CATSPERB: variants seen among roughly 807,000 people sequenced by gnomAD.
CATSPERB encodes catsper channel auxiliary subunit beta, also known as cation channel sperm-associated auxiliary subunit beta.
CATSPERB carries 93 observed loss-of-function variants against 128.3 expected under a neutral mutation model. The observed-to-expected ratio is 0.72, with a 90% CI of 0.61 to 0.86. CATSPERB has a LOEUF of 0.86. CATSPERB is among the 40% of genes least tolerant of loss of function. The probability of loss-of-function intolerance (pLI) is 0.00; values close to 1 mark genes in which losing one functional copy is unlikely to be tolerated. For synonymous variants in CATSPERB, 381 were observed against 448.8 expected, an observed-to-expected ratio of 0.85 and a Z score of 1.91; for missense variants, 1,153 against 1,329.5, an observed-to-expected ratio of 0.87 and a Z score of 2.06.
At chr14:91,663,687 T>C (rs2139824123) in intron 14 of CATSPERB, among the ~76,000 whole-genome samples, 1 of 151,954 alleles carries the variant, frequency 6.6e-6, no homozygotes, top group Admixed American at 6.6e-5. Flanking sequence ...ATGTTTTCAA[T>C]TTTGTGAAGA....
intron 20 of CATSPERB, among the ~76,000 whole-genome samples, chr14:91,610,965 G>A (rs1315517535): frequency 2.0e-5 from 3 of 152,034 alleles, no homozygotes; most frequent in Non-Finnish European, 2.9e-5. Context: ...CCATACACAA[G>A]CCAAGTAGGG....
At chr14:91,662,534 C>T (rs894889475) in intron 14 of CATSPERB, among the ~76,000 whole-genome samples, 4 of 152,028 alleles carry the variant, frequency 2.6e-5, no homozygotes, top group African/African-American at 7.3e-5. Context: ...AAAATGTCTC[C>T]GGATATATGT....
chr14:91,665,240 A>C (rs1262907986), intron 14 of CATSPERB, among the ~76,000 whole-genome samples: 1 of 152,222 alleles, frequency 6.6e-6, no homozygotes, highest in Non-Finnish European at 1.5e-5. Flanking sequence ...TGATCTACAC[A>C]CTTTTAAACC....
chr14:91,619,826 G>A (rs1894009326), intron 19 of CATSPERB, among the ~76,000 whole-genome samples: 1 of 151,202 alleles, frequency 6.6e-6, no homozygotes, highest in Non-Finnish European at 1.5e-5. Context: ...TTCCTACAGA[G>A]AGTAAATTTA....
intron 1 of CATSPERB, among the ~76,000 whole-genome samples, chr14:91,730,723 TTTGTGCAGTTC>T (rs1417211612): frequency 2.0e-5 from 3 of 152,210 alleles, no homozygotes; most frequent in African/African-American, 7.2e-5. Flanking sequence ...ATCTCAGAAC[TTTGTGCAGTTC>T]CTGACAACTG....
Position 91,621,653 on chromosome 14 carries a change from C to T in CATSPERB, c.2215G>A (p.Gly739Arg). 2 of 1,612,166 alleles carry T rather than the reference C, an allele frequency of 1.2e-6. No individual in the cohort carries two copies. The highest frequency in any genetic ancestry group is 1.7e-6 in the Non-Finnish European group (2 of 1,178,848). ...TTAGCTTTTAAAACATAAGAGTTTC[C>T]CAGATCAATGTATTTCACGATGTTG... ...SLNIVKYIDLGNSYVLKAKVI... is the reference protein window; with the variant it reads ...SLNIVKYIDLRNSYVLKAKVI... The change falls in exon 19 of 27, where the codon GGA becomes AGA. Residue 739 changes from glycine (G) to arginine (R), a missense_variant. Transcript: ENST00000256343.
intron 22 of CATSPERB, among the ~76,000 whole-genome samples, chr14:91,604,014 G>GTC (rs776140625): frequency 0.013 from 1,597 of 124,632 alleles, 11 homozygotes; most frequent in Non-Finnish European, 0.016. Context: ...CTCTCTGTCT[G>GTC]TCTCTCTCTC....
At chr14:91,594,623 T>C (rs1893472347) in intron 22 of CATSPERB, among the ~76,000 whole-genome samples, 1 of 152,202 alleles carries the variant, frequency 6.6e-6, no homozygotes, top group Non-Finnish European at 1.5e-5. Flanking sequence ...CAGTCTTGGG[T>C]ATGTCTTTAT....
At chr14:91,688,588 C>T (rs538345467) in intron 10 of CATSPERB, among the ~76,000 whole-genome samples, 5 of 152,200 alleles carry the variant, frequency 3.3e-5, no homozygotes, top group Non-Finnish European at 5.9e-5. Context: ...TGGATCTCTC[C>T]TCAAAGGCTC....
At position 91,621,644 on chromosome 14, in the gene CATSPERB, A is replaced by G; in HGVS notation, c.2224T>C (p.Tyr742His). 1 of 1,609,848 alleles carries G rather than the reference A, an allele frequency of 6.2e-7. No homozygotes were observed. The highest frequency in any genetic ancestry group is 8.5e-7 in the Non-Finnish European group (1 of 1,177,374). Residue 742 changes from tyrosine (Y) to histidine (H), a missense_variant, in exon 19 of 27, where the codon TAT becomes CAT. Coordinates refer to ENST00000256343, the MANE Select transcript of CATSPERB (RefSeq NM_024764.4). ...IVKYIDLGNSYVLKAKVIRNA... is the reference protein window; with the variant it reads ...IVKYIDLGNSHVLKAKVIRNA... ...CGTATGACCTTAGCTTTTAAAACAT[A>G]AGAGTTTCCCAGATCAATGTATTTC...
At chr14:91,625,031 G>A (rs1211569466) in intron 17 of CATSPERB, 24 bp from the exon 18 acceptor site, 1 of 1,496,252 alleles carries the variant, frequency 6.7e-7, no homozygotes, top group East Asian at 2.3e-5. Flanking sequence ...AAACCATTAA[G>A]CAATTTGGAT....
chr14:91,688,152 C>T (rs766601782), intron 10 of CATSPERB, among the ~76,000 whole-genome samples: 1 of 151,902 alleles, frequency 6.6e-6, no homozygotes, highest in Non-Finnish European at 1.5e-5. Context: ...TGAGTATTTT[C>T]CTTAGTTGGG....
At chr14:91,590,318 G>A (rs927158299) in intron 23 of CATSPERB, among the ~76,000 whole-genome samples, 3 of 152,114 alleles carry the variant, frequency 2.0e-5, no homozygotes, top group Non-Finnish European at 4.4e-5. Flanking sequence ...ATCACTTGAG[G>A]TCAGGAGTTT....
At chr14:91,637,417 C>G (rs1566713823) in intron 16 of CATSPERB, among the ~76,000 whole-genome samples, 1 of 152,072 alleles carries the variant, frequency 6.6e-6, no homozygotes, top group Non-Finnish European at 1.5e-5. Flanking sequence ...GGCTTGAGGA[C>G]TCTTGAAAAT....
chr14:91,685,550 C>T (rs147510542), intron 10 of CATSPERB, among the ~76,000 whole-genome samples: 1 of 152,154 alleles, frequency 6.6e-6, no homozygotes, highest in East Asian at 1.9e-4. Context: ...TTGACCGGAA[C>T]CTAAAATCTT....
At position 91,581,071 on chromosome 14, in the gene CATSPERB, G is replaced by A; in HGVS notation, c.3169C>T (p.His1057Tyr). 22 of 1,614,178 alleles carry A rather than the reference G, an allele frequency of 1.4e-5. No individual in the cohort carries two copies. The highest frequency in any genetic ancestry group is 1.9e-5 in the Non-Finnish European group (22 of 1,180,010). Residue 1057 changes from histidine to tyrosine, a missense_variant, in exon 27 of 27, where the codon CAC (histidine) becomes TAC (tyrosine). Physicochemically the swap from His to Tyr is moderately conservative, Grantham distance 83. Coordinates refer to ENST00000256343, the MANE Select transcript of CATSPERB (RefSeq NM_024764.4). ...VDEAPLPFPG[H>Y]TLIAVATAVV... The stretch of plus-strand genomic sequence containing the variant: ...GCTGTTGCCACGGCAATAAGCGTGT[G>A]TCCTGGGAATGGCAATGGTGCCTCA...
intron 11 of CATSPERB, among the ~76,000 whole-genome samples, chr14:91,675,539 G>A (rs1895178844): frequency 6.6e-6 from 1 of 152,114 alleles, no homozygotes; most frequent in Non-Finnish European, 1.5e-5. Flanking sequence ...CTTTATCTGT[G>A]GCACCACTTG....
intron 15 of CATSPERB, among the ~76,000 whole-genome samples, chr14:91,639,828 C>T (rs1243064775): frequency 6.9e-6 from 1 of 145,008 alleles, no homozygotes; most frequent in Non-Finnish European, 1.5e-5. Context: ...GATCATGGCT[C>T]AGGATGAAAA....
At chr14:91,661,724 A>G (rs1475638624) in intron 14 of CATSPERB, among the ~76,000 whole-genome samples, 1 of 151,652 alleles carries the variant, frequency 6.6e-6, no homozygotes, top group African/African-American at 2.4e-5. Flanking sequence ...GGTTTTTGCC[A>G]TGTTGCCCAG....
Sources: gnomAD v4.1 joint callset for allele counts (sites outside exome capture counted in the v4.1 genomes callset) on GRCh38, gnomAD v4.1.1 for gene constraint, MANE v1.5 for transcripts, NCBI Gene and HGNC (gene_info 2026-07-23, HGNC 2026-07-21) for gene names.